Variants in USP54 observed in about 807,000 individuals in gnomAD.
USP54 encodes ubiquitin carboxyl-terminal hydrolase 54.
Under a neutral mutation model 170.5 loss-of-function variants are expected in USP54, and 87 were observed. The ratio of observed to expected loss-of-function variants is 0.51; its 90% CI spans 0.43 to 0.61. The LOEUF (loss-of-function observed/expected upper bound fraction) is 0.61, where lower values mean the gene tolerates loss of function less well. Among genes scored for constraint, USP54 ranks in the 20% least tolerant of loss-of-function variants. USP54 has a pLI of 0.00. For missense variants in USP54, 1,786 were observed against 2,047.8 expected, an observed-to-expected ratio of 0.87 and a Z score of 2.47; for synonymous variants, 655 against 742.8, an observed-to-expected ratio of 0.88 and a Z score of 1.92.
At chr10:73,532,187 T>G (rs1231185236) in intron 12 of USP54, among the ~76,000 whole-genome samples, 1 of 152,180 alleles carries the variant, frequency 6.6e-6, no homozygotes. Context: ...CTTTTTTTTT[T>G]TTTGAGACGG....
intron 4 of USP54, among the ~76,000 whole-genome samples, chr10:73,564,843 A>T (rs1218266072): frequency 6.7e-6 from 1 of 149,450 alleles, no homozygotes; most frequent in South Asian, 2.1e-4. Context: ...TGGGAAGATG[A>T]CTTGAGGCCA....
chr10:73,523,269 G>A (rs1445157615), intron 17 of USP54, among the ~76,000 whole-genome samples: 1 of 152,176 alleles, frequency 6.6e-6, no homozygotes, highest in African/African-American at 2.4e-5. Context: ...GTGGCTCACT[G>A]CCATTTTCAG....
intron 19 of USP54, 164 bp downstream of exon 19, chr10:73,519,633 T>C: frequency 9.4e-7 from 1 of 1,059,296 alleles, no homozygotes; most frequent in South Asian, 1.6e-5. Context: ...GGACCAGCAG[T>C]ACAATGAGCT....
intron 20 of USP54, among the ~76,000 whole-genome samples, chr10:73,509,033 A>G (rs2059735833): frequency 3.4e-5 from 5 of 145,904 alleles, no homozygotes; most frequent in Non-Finnish European, 7.5e-5. Flanking sequence ...AATGTGTGAA[A>G]TGTTAAAAGA....
intron 4 of USP54, among the ~76,000 whole-genome samples, chr10:73,559,559 TAAAA>T (rs574245246): frequency 1.9e-5 from 2 of 106,252 alleles, no homozygotes; most frequent in Admixed American, 9.6e-5. Flanking sequence ...AAACTCCACC[TAAAA>T]AAAAAAAAAA....
At chr10:73,567,294 G>A (rs977976984) in intron 4 of USP54, among the ~76,000 whole-genome samples, 1 of 152,176 alleles carries the variant, frequency 6.6e-6, no homozygotes, top group African/African-American at 2.4e-5. Context: ...ATTTTTGTAA[G>A]ATTTATTCAT....
At chr10:73,530,599 A>C (rs2063773931) in intron 13 of USP54, 76 bp from the exon 14 acceptor site, 4 of 1,565,036 alleles carry the variant, frequency 2.6e-6, no homozygotes, top group Non-Finnish European at 3.4e-6. Flanking sequence ...TCGAAAAAGC[A>C]AAGAAAAGCC....
intron 1 of USP54, among the ~76,000 whole-genome samples, chr10:73,613,027 C>G (rs576154833): frequency 6.6e-6 from 1 of 150,878 alleles, no homozygotes; most frequent in East Asian, 2.0e-4. Flanking sequence ...CATGGTGGTG[C>G]GTGCCTCTGG....
chr10:73,513,754 C>T (rs147870998), intron 20 of USP54, among the ~76,000 whole-genome samples: 2 of 152,168 alleles, frequency 1.3e-5, no homozygotes, highest in African/African-American at 4.8e-5. Flanking sequence ...ATTTTTGATA[C>T]TTTATGTATT....
At chr10:73,589,279 G>A (rs527728180) in intron 1 of USP54, among the ~76,000 whole-genome samples, 8 of 152,166 alleles carry the variant, frequency 5.3e-5, no homozygotes, top group South Asian at 2.1e-4. Context: ...AAATCATATC[G>A]CATCTAAATC....
upstream of USP54, among the ~76,000 whole-genome samples, chr10:73,595,856 T>C (rs190921286): frequency 1.3e-5 from 2 of 152,274 alleles, no homozygotes; most frequent in East Asian, 3.9e-4. Flanking sequence ...ACGCCTGTAA[T>C]CCCAACACTT....
intron 1 of USP54, among the ~76,000 whole-genome samples, chr10:73,621,162 C>T (rs1179208954): frequency 2.0e-5 from 3 of 147,124 alleles, no homozygotes; most frequent in Non-Finnish European, 4.4e-5. Context: ...TCTCAAAAAA[C>T]AAACAAATAA....
At chr10:73,607,040 A>C (rs113683766) in intron 1 of USP54, among the ~76,000 whole-genome samples, 5,344 of 149,038 alleles carry the variant, frequency 0.036, 154 homozygotes, top group South Asian at 0.12. Context: ...CCAGGCACAG[A>C]GGCTCATGCC....
chr10:73,571,288 AT>A lies in USP54; in HGVS notation c.240+132del, dbSNP rs1482216944. On this transcript the variant is annotated intron_variant, in intron 4 of 23. Coordinates refer to ENST00000687698, the MANE Select transcript of USP54 (RefSeq NM_001391956.1). Reference sequence around the variant, plus strand: ...TGAAGCAAGCAAACAAATCATATCCATTTTTGCACTAAACCACAGGTAGATA... The same window carrying A: ...TGAAGCAAGCAAACAAATCATATCCATTTTGCACTAAACCACAGGTAGATA... 4 of 718,394 alleles carry A rather than the reference AT, an allele frequency of 5.6e-6. No individual in the cohort carries two copies. In the Admixed American group the frequency reaches 1.2e-4, roughly 21 times the overall value. 44.5% of individuals were successfully genotyped at this position (718,394 alleles called of 1,614,324 possible).
chr10:73,524,617 T>C (rs755807583), intron 16 of USP54, among the ~76,000 whole-genome samples: 14 of 151,916 alleles, frequency 9.2e-5, no homozygotes, highest in Non-Finnish European at 1.8e-4. Context: ...AACAACAACA[T>C]TTATGGAGTG....
At chr10:73,579,729 C>A (rs1317267180) in intron 1 of USP54, among the ~76,000 whole-genome samples, 1 of 151,762 alleles carries the variant, frequency 6.6e-6, no homozygotes, top group African/African-American at 2.4e-5. Flanking sequence ...TGCACTCCAG[C>A]CTGGATGACA....
intron 3 of USP54, among the ~76,000 whole-genome samples, chr10:73,572,068 C>G (rs914712259): frequency 2.0e-5 from 3 of 151,832 alleles, no homozygotes; most frequent in Middle Eastern, 3.4e-3. Flanking sequence ...TAGTATATAC[C>G]CTTGATGCAA....
chr10:73,526,560 T>C, intron 16 of USP54, 87 bp downstream of exon 16: 1 of 1,565,554 alleles, frequency 6.4e-7, no homozygotes, highest in Non-Finnish European at 8.7e-7. Context: ...AACTGTCCTC[T>C]AATTTCAAAT....
Position 73,536,354 on chromosome 10 carries a change from C to G in USP54, c.1059G>C (p.Gln353His). The G allele has an allele frequency of 1.9e-6, 3 of 1,613,668 alleles. No homozygotes were observed. The highest frequency in any genetic ancestry group is 2.5e-6 in the Non-Finnish European group (3 of 1,179,770). Residue 353 changes from glutamine to histidine, a missense_variant, in exon 11 of 24, where the codon CAG (glutamine) becomes CAC (histidine). Gln to His is a conservative substitution (Grantham distance 24). This residue lies in a region of USP54 where 361 missense variants were observed against 455.0 expected (regional missense o/e 0.79). Coordinates refer to ENST00000687698, the MANE Select transcript of USP54 (RefSeq NM_001391956.1). The stretch of plus-strand genomic sequence containing the variant: ...GGTCCTGGGTGGAAACTGGGGTACC[C>G]TGGGGATCTGCATAAAGCAGCAGCA... ...QPLLLLYADP[Q>H]GTPVSTQDLP...
Sources: gnomAD v4.1 joint callset for allele counts (sites outside exome capture counted in the v4.1 genomes callset) on GRCh38, gnomAD v4.1.1 for gene constraint, gnomAD v4.1.1 regional missense constraint, MANE v1.5 for transcripts, NCBI Gene and HGNC (gene_info 2026-07-23, HGNC 2026-07-21) for gene names.